CLASP1: variants seen among roughly 807,000 people sequenced by gnomAD.
The protein encoded by CLASP1 is cytoplasmic linker associated protein 1, also known as CLIP-associating protein 1.
A neutral mutation model predicts 192.3 loss-of-function variants in CLASP1; 38 were observed. That is an observed-to-expected ratio of 0.20 (90% CI 0.15 to 0.26). The LOEUF (loss-of-function observed/expected upper bound fraction) is 0.26. Among genes scored for constraint, CLASP1 ranks in the 10% least tolerant of loss-of-function variants. CLASP1 has a pLI of 1.00. For missense variants in CLASP1, 1,433 were observed against 1,932.5 expected (o/e 0.74, Z 4.85); for synonymous variants, 691 against 712.8 (o/e 0.97, Z 0.49).
chr2:121,523,460 T>C (rs904783174), intron 6 of CLASP1, among the ~76,000 whole-genome samples: 2 of 152,212 alleles, frequency 1.3e-5, no homozygotes, highest in African/African-American at 4.8e-5. Context: ...TCCTGTCTCC[T>C]TTCTACCAAA....
intron 9 of CLASP1, among the ~76,000 whole-genome samples, chr2:121,464,234 C>T (rs1405184370): frequency 1.3e-5 from 2 of 151,956 alleles, no homozygotes; most frequent in Non-Finnish European, 2.9e-5. Flanking sequence ...TTTTCTTAAT[C>T]CAGTCTATCA....
chr2:121,539,615 G>A (rs1281101841), intron 2 of CLASP1, among the ~76,000 whole-genome samples: 1 of 152,112 alleles, frequency 6.6e-6, no homozygotes, highest in South Asian at 2.1e-4. Flanking sequence ...AACCATAAAG[G>A]ACAAGATTGA....
chr2:121,401,713 C>G (rs767587036), intron 27 of CLASP1, 41 bp from the exon 29 acceptor site: 1 of 1,533,280 alleles, frequency 6.5e-7, no homozygotes, highest in Non-Finnish European at 9.0e-7. Context: ...ATATTGAATT[C>G]ACGATCTCCT....
intron 8 of CLASP1, among the ~76,000 whole-genome samples, chr2:121,478,665 C>CCACACACACACCACA (rs1336561602): frequency 0.037 from 3,488 of 95,500 alleles, 107 homozygotes; most frequent in East Asian, 0.14. Flanking sequence ...CACACACCCC[C>CCACACACACACCACA]CACACACACC....
At chr2:121,443,435 C>T (rs1248059655) in intron 19 of CLASP1, among the ~76,000 whole-genome samples, 1 of 152,174 alleles carries the variant, frequency 6.6e-6, no homozygotes, top group Admixed American at 6.5e-5. Flanking sequence ...TTATTCTCTT[C>T]CACTCTCCTC....
intron 34 of CLASP1, among the ~76,000 whole-genome samples, chr2:121,375,838 T>C (rs1656116477): frequency 6.6e-6 from 1 of 152,202 alleles, no homozygotes; most frequent in Non-Finnish European, 1.5e-5. Flanking sequence ...TGGTGGTGTC[T>C]GGTTCAGGCT....
chr2:121,524,082 T>C (rs570374662), intron 6 of CLASP1, among the ~76,000 whole-genome samples: 1 of 152,186 alleles, frequency 6.6e-6, no homozygotes, highest in Admixed American at 6.5e-5. Flanking sequence ...CATTTAGAGG[T>C]GACAGCCCTC....
At chr2:121,430,939 A>G (rs2081284831) in intron 19 of CLASP1, among the ~76,000 whole-genome samples, 1 of 151,934 alleles carries the variant, frequency 6.6e-6, no homozygotes, top group Non-Finnish European at 1.5e-5. Flanking sequence ...ACACAAAATC[A>G]TTAGTGACCA....
chr2:121,611,552 T>TGGAGGA (rs1351393809), intron 1 of CLASP1, among the ~76,000 whole-genome samples: 2 of 99,744 alleles, frequency 2.0e-5, no homozygotes, highest in Non-Finnish European at 4.0e-5. Context: ...AAAGAGGAAC[T>TGGAGGA]GGAGGAGGAA....
intron 2 of CLASP1, among the ~76,000 whole-genome samples, chr2:121,579,142 C>CA (rs2060864495): frequency 6.6e-6 from 1 of 152,134 alleles, no homozygotes; most frequent in Non-Finnish European, 1.5e-5. Flanking sequence ...GTCATTTATT[C>CA]ATATGGTTTT....
chr2:121,531,451 CG>C (rs2094872975), intron 2 of CLASP1, among the ~76,000 whole-genome samples: 1 of 150,348 alleles, frequency 6.7e-6, no homozygotes, highest in South Asian at 2.1e-4. Context: ...AAAAATTAGC[CG>C]GGCGAGGTGG....
At chr2:121,428,137 TAA>T (rs1319234856) in intron 20 of CLASP1, among the ~76,000 whole-genome samples, 1 of 152,188 alleles carries the variant, frequency 6.6e-6, no homozygotes, top group Non-Finnish European at 1.5e-5. Context: ...AGTATTTTTA[TAA>T]GACTGAAAAA....
At chr2:121,360,460 C>G (rs543918443) in intron 37 of CLASP1, among the ~76,000 whole-genome samples, 20 of 152,084 alleles carry the variant, frequency 1.3e-4, no homozygotes, top group Non-Finnish European at 2.8e-4. Flanking sequence ...AGAACTATTA[C>G]GTGCCATATT....
At chr2:121,481,173 C>A (rs1421266735) in intron 8 of CLASP1, among the ~76,000 whole-genome samples, 3 of 152,190 alleles carry the variant, frequency 2.0e-5, no homozygotes, top group African/African-American at 7.2e-5. Context: ...GGACAAATGG[C>A]AGCTATTTTA....
intron 8 of CLASP1, among the ~76,000 whole-genome samples, chr2:121,492,489 A>G (rs1011061872): frequency 1.1e-4 from 17 of 151,982 alleles, no homozygotes; most frequent in Non-Finnish European, 2.9e-5. Flanking sequence ...TCAACAACAA[A>G]AAGATAAACA....
chr2:121,337,776 T>C (rs532185558), exon 40 of CLASP1: 2 of 152,454 alleles, frequency 1.3e-5, no homozygotes, highest in African/African-American at 2.4e-5. Context: ...AAGCAGAACA[T>C]TGAATTAAGT....
At chr2:121,478,869 C>T (rs2092194726) in intron 8 of CLASP1, among the ~76,000 whole-genome samples, 1 of 74,746 alleles carries the variant, frequency 1.3e-5, no homozygotes, top group Non-Finnish European at 2.8e-5. Context: ...ACCACACACA[C>T]ACCACACCAC....
At chr2:121,339,118 A>AACACACACAACACC in exon 40 of CLASP1, 1 of 141,322 alleles carries the variant, frequency 7.1e-6, no homozygotes, top group Non-Finnish European at 1.5e-5. Context: ...TGCACGCACA[A>AACACACACAACACC]ACACACACAA....
intron 7 of CLASP1, among the ~76,000 whole-genome samples, chr2:121,509,295 C>T (rs1422734781): frequency 2.0e-5 from 3 of 152,302 alleles, no homozygotes; most frequent in Admixed American, 6.5e-5. Context: ...CCTGCCTCAG[C>T]GTCTCATGTA....
Sources: gnomAD v4.1 joint callset for allele counts (sites outside exome capture counted in the v4.1 genomes callset) on GRCh38, gnomAD v4.1.1 for gene constraint, MANE v1.5 for transcripts, NCBI Gene and HGNC (gene_info 2026-07-23, HGNC 2026-07-21) for gene names.